Variants in TRAK1 observed in about 807,000 individuals in gnomAD.
The protein encoded by TRAK1 is trafficking kinesin-binding protein 1.
TRAK1 carries 33 observed loss-of-function variants against 92.1 expected under a neutral mutation model. That is an observed-to-expected ratio of 0.36 (90% CI 0.27 to 0.48). The LOEUF (loss-of-function observed/expected upper bound fraction) is 0.48, where lower values mean the gene tolerates loss of function less well. Among genes scored for constraint, TRAK1 ranks in the 20% least tolerant of loss-of-function variants. The pLI, the probability that TRAK1 is intolerant of heterozygous loss-of-function variation, is 0.99. For synonymous variants in TRAK1, 521 were observed against 517.3 expected (o/e 1.01, Z -0.10); for missense variants, 1,123 against 1,257.9 (o/e 0.89, Z 1.62).
intron 2 of TRAK1, among the ~76,000 whole-genome samples, chr3:42,175,429 T>C (rs1338730729): frequency 6.6e-6 from 1 of 152,186 alleles, no homozygotes; most frequent in Non-Finnish European, 1.5e-5. Context: ...AAGCTACCCT[T>C]ATAAATCTCC....
intron 2 of TRAK1, among the ~76,000 whole-genome samples, chr3:42,142,459 C>G (rs1460155571): frequency 6.6e-6 from 1 of 152,212 alleles, no homozygotes; most frequent in African/African-American, 2.4e-5. Flanking sequence ...CTCTGGAGCC[C>G]TCTGGCCAAT....
chr3:42,098,684 G>A (rs1011184841), intron 1 of TRAK1, among the ~76,000 whole-genome samples: 2 of 152,122 alleles, frequency 1.3e-5, no homozygotes, highest in East Asian at 1.9e-4. Context: ...GGCCTTATCT[G>A]GTCCAGGCTC....
rs111923920 is a variant in TRAK1, at chr3:42,096,409, C to T, written c.91+4849C>T. On this transcript the variant is annotated intron_variant, in intron 1 of 15. Coordinates refer to ENST00000327628, the MANE Select transcript of TRAK1 (RefSeq NM_001042646.3). ...CTGGGACTATAGATGTGTGCCACTA[C>T]ACTCGGCTAGTTTTTTGTGTTTTTA... 6.9e-3 allele frequency among the ~76,000 whole-genome samples: 1,058 copies of T among 152,234 alleles called. 9 individuals carry two copies. The highest frequency in any genetic ancestry group is 0.024 in the African/African-American group (981 of 41,534).
chr3:42,031,033 A>ATTTT (rs569209653), intron 1 of TRAK1, among the ~76,000 whole-genome samples: 7 of 95,432 alleles, frequency 7.3e-5, no homozygotes, highest in African/African-American at 2.1e-4. Context: ...AGCTATTTGA[A>ATTTT]TTTTTTTTTT....
chr3:42,103,744 C>G (rs1311231239), intron 1 of TRAK1, among the ~76,000 whole-genome samples: 1 of 152,084 alleles, frequency 6.6e-6, no homozygotes, highest in Non-Finnish European at 1.5e-5. Context: ...AGGAACAGCT[C>G]CAGTCTGCAG....
At chr3:42,195,048 CGTT>C in intron 10 of TRAK1, 107 bp downstream of exon 10, 3 of 1,382,522 alleles carry the variant, frequency 2.2e-6, no homozygotes, top group Non-Finnish European at 3.0e-6. Flanking sequence ...GTTCGCTTCT[CGTT>C]GTACAGTTCA....
In TRAK1 at chr3:42,028,704, G is replaced by GAT. The variant is rs1416857786; in HGVS notation, c.-519+14588_-519+14589dup. On this transcript the variant is annotated intron_variant, in intron 1 of 16. Transcript: ENST00000487159. The stretch of plus-strand genomic sequence containing the variant: ...GGGGACCCTGGGGATAGTGGACGTG[G>GAT]ATGAAGCCAGGAGATAGTCAGGGGA... 3.3e-5 allele frequency among the ~76,000 whole-genome samples: 5 copies of GAT among 152,334 alleles called. No homozygotes were observed. In the East Asian group the frequency reaches 9.6e-4, roughly 29 times the overall value.
rs563014849 is a variant in TRAK1 at position 42,156,862 on chromosome 3, G to A, written c.287-19952G>A. ...AAAAACTGGAGCTTTAAAAATTACCGATGGGGGCCGGGTTCTGTGGCTCAT... is the reference window on the plus strand; with the variant it reads ...AAAAACTGGAGCTTTAAAAATTACCAATGGGGGCCGGGTTCTGTGGCTCAT... On this transcript the variant is annotated intron_variant, in intron 2 of 15. Transcript: ENST00000327628. Among the ~76,000 whole-genome samples, 6 of 152,198 alleles carry A rather than the reference G, an allele frequency of 3.9e-5. No individual in the cohort carries two copies. The East Asian group carries it at 7.7e-4, about 20-fold the overall frequency.
chr3:42,114,886 T>C (rs2149092718), intron 1 of TRAK1, among the ~76,000 whole-genome samples: 1 of 152,176 alleles, frequency 6.6e-6, no homozygotes, highest in Admixed American at 6.5e-5. Context: ...CTAATTTTTG[T>C]ATTTTTTGTA....
Position 42,223,248 on chromosome 3 carries a change from A to G in TRAK1, c.2373A>G (p.Thr791=). Residue 791 remains threonine (T), a synonymous_variant, in exon 16 of 16, where the codon ACA becomes ACG. Coordinates refer to ENST00000327628, the MANE Select transcript of TRAK1 (RefSeq NM_001042646.3). This position sits in a 1 kb window ranked among gnomAD's most constrained non-coding sequence, Gnocchi z 6.1. ...CGAACTCGCCTATGCAGACACCCACATCCTCCCCACCCTCCTTTGAGTTCA... is the reference window on the plus strand; with the variant it reads ...CGAACTCGCCTATGCAGACACCCACGTCCTCCCCACCCTCCTTTGAGTTCA... ...TPPNSPMQTP[T]SSPPSFEFKC... is the part of the protein sequence containing the mutation. 6.2e-6 allele frequency: 10 copies of G among 1,613,912 alleles called. No homozygotes were observed. The highest frequency in any genetic ancestry group is 5.9e-6 in the Non-Finnish European group (7 of 1,179,948).
intron 15 of TRAK1, among the ~76,000 whole-genome samples, chr3:42,221,523 CCTG>C (rs1214043385): frequency 1.3e-5 from 2 of 152,194 alleles, no homozygotes; most frequent in African/African-American, 2.4e-5. Context: ...ATCGCAAAGA[CCTG>C]CTCCAGAATG....
At chr3:42,149,392 C>T (rs555256248) in intron 2 of TRAK1, 8 of 1,455,256 alleles carry the variant, frequency 5.5e-6, no homozygotes, top group African/African-American at 4.3e-5. Context: ...TCCAGACTGT[C>T]GTTAAGAATG....
At chr3:42,040,323 C>T (rs1264310356) in intron 1 of TRAK1, among the ~76,000 whole-genome samples, 3 of 152,092 alleles carry the variant, frequency 2.0e-5, no homozygotes, top group African/African-American at 7.2e-5. Flanking sequence ...TATAACTGCT[C>T]CTTGCAGAGC....
chr3:42,203,251 CT>C, intron 13 of TRAK1: 1 of 1,031,198 alleles, frequency 9.7e-7, no homozygotes, highest in South Asian at 4.6e-5. Context: ...CTTATGTGTT[CT>C]GATTTGAACT....
chr3:42,060,443 C>CGGG (rs1207608971), intron 1 of TRAK1, among the ~76,000 whole-genome samples: 1 of 151,884 alleles, frequency 6.6e-6, no homozygotes, highest in African/African-American at 2.4e-5. Context: ...GGAGGAGAGA[C>CGGG]GGGGCAGCTT....
intron 13 of TRAK1, chr3:42,203,875 A>G: frequency 1.1e-6 from 1 of 923,900 alleles, no homozygotes; most frequent in African/African-American, 1.8e-5. Flanking sequence ...AAAGAATCCA[A>G]TTATGTTTAC....
intron 13 of TRAK1, among the ~76,000 whole-genome samples, chr3:42,205,435 A>G (rs1418372988): frequency 6.6e-6 from 1 of 152,210 alleles, no homozygotes; most frequent in African/African-American, 2.4e-5. Flanking sequence ...TAATCTTGCC[A>G]TCTGCTTATT....
rs1701447862 is a variant in TRAK1 at position 42,163,068 on chromosome 3, T to C, written c.287-13746T>C. ...ATTCATGCATTGAACCTTTAAAACATTCGAGGTCAAATACTGTTATTATTC... is the reference window on the plus strand; with the variant it reads ...ATTCATGCATTGAACCTTTAAAACACTCGAGGTCAAATACTGTTATTATTC... On this transcript the variant is annotated intron_variant, in intron 2 of 15. Coordinates refer to ENST00000327628, the MANE Select transcript of TRAK1 (RefSeq NM_001042646.3). Among the ~76,000 whole-genome samples the C allele has an allele frequency of 2.0e-5, 3 of 152,184 alleles. No homozygotes were observed. In the East Asian group the frequency reaches 5.8e-4, roughly 29 times the overall value.
intron 2 of TRAK1, among the ~76,000 whole-genome samples, chr3:42,143,335 AT>A (rs1698923728): frequency 7.4e-6 from 1 of 135,026 alleles, no homozygotes; most frequent in African/African-American, 2.8e-5. Context: ...TTCAAATTCC[AT>A]TAGCAAATAA....
Sources: allele counts gnomAD v4.1 joint callset (sites outside exome capture counted in the v4.1 genomes callset), GRCh38; gene constraint gnomAD v4.1.1; non-coding constraint Gnocchi (gnomAD v3.1); transcripts MANE v1.5; gene names NCBI Gene and HGNC (gene_info 2026-07-23, HGNC 2026-07-21).